SUMF2: variants seen among roughly 807,000 people sequenced by gnomAD.
SUMF2 encodes sulfatase modifying factor 2, also known as inactive C-alpha-formylglycine-generating enzyme 2.
A neutral mutation model predicts 44.8 loss-of-function variants in SUMF2; 45 were observed. The ratio of observed to expected loss-of-function variants is 1.00; its 90% CI spans 0.79 to 1.29. The LOEUF is 1.29. SUMF2 is among the 50% of genes most tolerant of loss of function. The pLI is 0.00. For missense variants in SUMF2, 418 were observed against 389.9 expected (o/e 1.07, Z -0.61); for synonymous variants, 148 against 150.4 (o/e 0.98, Z 0.12).
At chr7:56,086,820 C>A in the SUMF2 span, 2 of 667,502 alleles carry the variant, frequency 3.0e-6, no homozygotes, top group Non-Finnish European at 2.7e-6. Context: ...GCAGCCTGAC[C>A]CCAGGGGCTG....
At chr7:56,082,600 AAGAG>A (rs1241415131), downstream of SUMF2, among the ~76,000 whole-genome samples, 11 of 151,818 alleles carry the variant, frequency 7.2e-5, no homozygotes, top group African/African-American at 2.2e-4. Flanking sequence ...TCAAAAAAAA[AAGAG>A]AGGAAGTCCA....
intron 3 of SUMF2, chr7:56,073,749 G>A (rs997848998): frequency 2.6e-5 from 5 of 191,844 alleles, no homozygotes; most frequent in East Asian, 1.4e-4. Context: ...AGCAGCTCAC[G>A]CCTGTAACCC....
chr7:56,085,152 G>A (rs960917945), downstream of SUMF2, among the ~76,000 whole-genome samples: 32 of 151,760 alleles, frequency 2.1e-4, no homozygotes, highest in African/African-American at 7.7e-4. Context: ...GTAGAGATGG[G>A]GTTTTGCCAT....
At chr7:56,087,816 A>G in the SUMF2 span, 1 of 1,560,128 alleles carries the variant, frequency 6.4e-7, no homozygotes, top group Non-Finnish European at 8.8e-7. Context: ...GGGGCCCCTC[A>G]CCCCATGGGG....
downstream of SUMF2, chr7:56,084,246 T>G: frequency 6.6e-7 from 1 of 1,507,312 alleles, no homozygotes; most frequent in Non-Finnish European, 8.9e-7. Context: ...TCTTCCCATC[T>G]GTGGAAGTGA....
Position 56,079,533 on chromosome 7 carries a change from G to C in SUMF2, c.827G>C (p.Gly276Ala), listed in dbSNP as rs759319721. The C allele has an allele frequency of 8.1e-6, 13 of 1,611,780 alleles. No homozygotes were observed. Among genetic ancestry groups the C allele is most frequent in the African/African-American group, 2.7e-5 (2 of 74,898 alleles). Residue 276 changes from glycine (G) to alanine (A), a missense_variant, in exon 9 of 9, where the codon GGC becomes GCC. Physicochemically the swap from Gly to Ala is moderately conservative, Grantham distance 60. Coordinates refer to ENST00000434526, the MANE Select transcript of SUMF2 (RefSeq NM_015411.4). The stretch of plus-strand genomic sequence containing the variant: ...CTCCCCTTCTCTGCTGGCAGGATGG[G>C]CAACACTCCAGATTCAGCCTCAGAC... ...NHRARVTTRM[G>A]NTPDSASDNL... is the part of the protein sequence containing the mutation.
intron 4 of SUMF2, 39 bp from the exon 5 acceptor site, chr7:56,074,547 C>T (rs1795403872): frequency 3.1e-6 from 5 of 1,605,824 alleles, no homozygotes; most frequent in African/African-American, 1.3e-5. Context: ...CGACTTAATG[C>T]GCTCCCGGAA....
chr7:56,072,465 C>T (rs1268693098), intron 2 of SUMF2, among the ~76,000 whole-genome samples: 1 of 150,582 alleles, frequency 6.6e-6, no homozygotes, highest in African/African-American at 2.4e-5. Flanking sequence ...TGGCTCACGC[C>T]TGTAATCTCA....
the SUMF2 span, chr7:56,086,845 C>T: frequency 7.5e-6 from 6 of 795,048 alleles, no homozygotes; most frequent in South Asian, 2.8e-5. Context: ...GTCTAAACAC[C>T]GTGATTGTAT....
chr7:56,079,314 C>T, intron 8 of SUMF2: 1 of 583,586 alleles, frequency 1.7e-6, no homozygotes, highest in Non-Finnish European at 3.0e-6. Context: ...TGCAAGACTC[C>T]TTTTGTCCCA....
intron 8 of SUMF2, 76 bp from the exon 9 acceptor site, chr7:56,079,452 G>A: frequency 2.8e-6 from 4 of 1,425,384 alleles, no homozygotes; most frequent in Non-Finnish European, 3.8e-6. Context: ...CCCTGCGGAT[G>A]AGGCAGGCAA....
intron 5 of SUMF2, 126 bp downstream of exon 5, chr7:56,074,862 C>G (rs1278124705): frequency 8.1e-7 from 1 of 1,240,958 alleles, no homozygotes; most frequent in Non-Finnish European, 1.1e-6. Flanking sequence ...CTTTGGGAGG[C>G]TGGGGCAGGA....
chr7:56,078,718 T>C (rs1795750818), intron 8 of SUMF2, among the ~76,000 whole-genome samples: 2 of 152,110 alleles, frequency 1.3e-5, no homozygotes, highest in African/African-American at 4.8e-5. Flanking sequence ...CAGGACACCT[T>C]GTGACTCTCC....
intron 4 of SUMF2, 103 bp downstream of exon 4, chr7:56,074,321 C>A: frequency 2.3e-6 from 3 of 1,298,150 alleles, no homozygotes; most frequent in Non-Finnish European, 3.3e-6. Context: ...CACTGAGTTT[C>A]AAAGAAGGAT....
At chr7:56,073,309 T>C (rs903935826) in intron 3 of SUMF2, 198 bp downstream of exon 3, 1 of 636,720 alleles carries the variant, frequency 1.6e-6, no homozygotes, top group Non-Finnish European at 2.9e-6. Context: ...AAGTTAGCTC[T>C]TGCCTAAATG....
downstream of SUMF2, chr7:56,080,742 T>TC: frequency 2.5e-6 from 1 of 397,316 alleles, no homozygotes; most frequent in Non-Finnish European, 4.7e-6. Flanking sequence ...ACTCTGGGCC[T>TC]CCCCTAAAGA....
chr7:56,077,001 G>T, intron 6 of SUMF2, 112 bp downstream of exon 6: 1 of 944,772 alleles, frequency 1.1e-6, no homozygotes, highest in South Asian at 1.8e-5. Flanking sequence ...TGCAACTGAT[G>T]ACTCATAAGC....
downstream of SUMF2, chr7:56,081,825 G>T: frequency 3.1e-6 from 5 of 1,608,474 alleles, no homozygotes; most frequent in Admixed American, 3.4e-5. The surrounding 1 kb of genome is among the most constrained non-coding windows in gnomAD (Gnocchi z 4.6). Context: ...GAAAGGCAGG[G>T]CCTCCCCGGG....
intron 4 of SUMF2, 33 bp downstream of exon 4, chr7:56,074,251 C>G (rs1207514804): frequency 6.2e-7 from 1 of 1,602,832 alleles, no homozygotes; most frequent in African/African-American, 1.3e-5. Context: ...CATTTTCTAC[C>G]CCTGCTTGAC....
Sources: gnomAD v4.1 joint callset for allele counts (sites outside exome capture counted in the v4.1 genomes callset) on GRCh38, gnomAD v4.1.1 for gene constraint, Gnocchi (gnomAD v3.1) non-coding constraint, MANE v1.5 for transcripts, NCBI Gene and HGNC (gene_info 2026-07-23, HGNC 2026-07-21) for gene names.